The following USP12 variants were observed in gnomAD, a reference collection of about 807,000 sequenced individuals.
USP12 encodes ubiquitin carboxyl-terminal hydrolase 12.
In USP12, 19 loss-of-function variants were observed where a neutral mutation model predicts 45.5. The observed-to-expected ratio is 0.42, with a 90% CI of 0.29 to 0.61. The LOEUF is 0.61. Among genes scored for constraint, USP12 ranks in the 20% least tolerant of loss-of-function variants. The pLI, the probability that USP12 is intolerant of heterozygous loss-of-function variation, is 0.22. For synonymous variants in USP12, 149 were observed against 148.8 expected (o/e 1.00, Z -0.01); for missense variants, 242 against 447.7 (o/e 0.54, Z 4.15).
At chr13:27,162,317 A>G (rs989718541) in intron 1 of USP12, among the ~76,000 whole-genome samples, 8 of 152,242 alleles carry the variant, frequency 5.3e-5, no homozygotes, top group African/African-American at 1.9e-4. Context: ...CCGAAAAGTC[A>G]GGAATAAAAA....
chr13:27,169,778 G>A (rs186024907), intron 1 of USP12, among the ~76,000 whole-genome samples: 119 of 152,276 alleles, frequency 7.8e-4, no homozygotes, highest in African/African-American at 2.7e-3. Context: ...TTGTGTCCAT[G>A]AGCAAGAATG....
chr13:27,163,628 T>C (rs960944375), intron 1 of USP12, among the ~76,000 whole-genome samples: 5 of 150,770 alleles, frequency 3.3e-5, no homozygotes, highest in African/African-American at 4.9e-5. Context: ...ACAGAGAAAA[T>C]AGTATATGTA....
Position 27,071,027 on chromosome 13 carries a change from T to C in USP12, c.1011+44A>G, listed in dbSNP as rs575200823. 1.5e-4 allele frequency: 231 copies of C among 1,496,200 alleles called. 1 individual carries two copies. The highest frequency in any genetic ancestry group is 2.0e-4 in the Non-Finnish European group (223 of 1,094,156). 92.7% of individuals were successfully genotyped at this position (1,496,200 alleles called of 1,614,324 possible). A position where few individuals can be genotyped will look rare whatever the true frequency, so the allele number is the denominator to read the frequency against. On this transcript the variant is annotated intron_variant, in intron 8 of 8. Coordinates refer to ENST00000282344, the MANE Select transcript of USP12 (RefSeq NM_182488.4). ...TATGAGAAAAAAGTGAAAAGCAACA[T>C]ATGCATACAACTTTCAAAAATAAGA... is the stretch of plus-strand genomic sequence containing the variant.
At chr13:27,123,091 C>CAAA (rs11318459) in intron 1 of USP12, among the ~76,000 whole-genome samples, 2 of 137,278 alleles carry the variant, frequency 1.5e-5, no homozygotes. Flanking sequence ...GAGTCCATCT[C>CAAA]AAAAAAAAAA....
At chr13:27,114,687 T>C (rs577206115) in intron 2 of USP12, among the ~76,000 whole-genome samples, 3 of 151,944 alleles carry the variant, frequency 2.0e-5, no homozygotes, top group African/African-American at 7.3e-5. Context: ...AGAAAACAGG[T>C]TGTCATTAAA....
chr13:27,114,587 A>G (rs960804378), intron 2 of USP12, among the ~76,000 whole-genome samples: 1 of 152,192 alleles, frequency 6.6e-6, no homozygotes, highest in African/African-American at 2.4e-5. Context: ...TACAAATTAT[A>G]GTGACAGGTA....
At chr13:27,090,967 T>C (rs551921058) in intron 4 of USP12, among the ~76,000 whole-genome samples, 1 of 152,346 alleles carries the variant, frequency 6.6e-6, no homozygotes, top group East Asian at 1.9e-4. Context: ...GTGTATTTTA[T>C]AGACAGTTGA....
At chr13:27,076,815 TTA>T (rs1222262417) in intron 6 of USP12, among the ~76,000 whole-genome samples, 1 of 152,210 alleles carries the variant, frequency 6.6e-6, no homozygotes, top group African/African-American at 2.4e-5. Context: ...GGTGGATAGC[TTA>T]TTATTCCTAA....
At chr13:27,151,289 C>A (rs1222680766) in intron 1 of USP12, among the ~76,000 whole-genome samples, 2 of 151,418 alleles carry the variant, frequency 1.3e-5, no homozygotes, top group Non-Finnish European at 2.9e-5. Context: ...CAAGATTCAG[C>A]GACAAAGCAA....
chr13:27,109,911 C>T (rs1214928532), intron 2 of USP12, among the ~76,000 whole-genome samples: 1 of 13,342 alleles, frequency 7.5e-5, no homozygotes, highest in Non-Finnish European at 1.9e-4. Context: ...GACTCTGTCT[C>T]CAAAAAAAAA....
At chr13:27,073,299 G>A (rs997048172) in intron 7 of USP12, among the ~76,000 whole-genome samples, 2 of 152,220 alleles carry the variant, frequency 1.3e-5, no homozygotes, top group Non-Finnish European at 2.9e-5. Flanking sequence ...GGGCTGTGAG[G>A]AAAGTCAATA....
At chr13:27,171,551 G>A (rs1479050510) in intron 1 of USP12, 41 bp downstream of exon 1, 2 of 1,190,440 alleles carry the variant, frequency 1.7e-6, no homozygotes, top group Non-Finnish European at 2.2e-6. Flanking sequence ...GCCCGCCCGA[G>A]AGGTCCCGGC....
chr13:27,118,905 A>G (rs1875863476), intron 1 of USP12, among the ~76,000 whole-genome samples: 1 of 152,220 alleles, frequency 6.6e-6, no homozygotes, highest in Non-Finnish European at 1.5e-5. Flanking sequence ...TATGTACCAC[A>G]TACTTTCATG....
chr13:27,083,496 T>C (rs1873859271), intron 6 of USP12, among the ~76,000 whole-genome samples: 1 of 152,124 alleles, frequency 6.6e-6, no homozygotes, highest in Non-Finnish European at 1.5e-5. Context: ...GAAACAGCCA[T>C]CAATCCTTTC....
chr13:27,102,853 A>G (rs1348729127), intron 3 of USP12, among the ~76,000 whole-genome samples: 2 of 152,230 alleles, frequency 1.3e-5, no homozygotes, highest in Non-Finnish European at 2.9e-5. Flanking sequence ...TGTCTGGCAC[A>G]CAACAGGAAA....
At position 27,066,347 on chromosome 13, in the gene USP12, G is replaced by GT. The variant is rs1363874397; in HGVS notation, c.*2935dup. 2 of 152,292 alleles carry GT rather than the reference G, an allele frequency of 1.3e-5. No homozygotes were observed. The highest frequency in any genetic ancestry group is 4.8e-5 in the African/African-American group (2 of 41,450). 9.4% of individuals were successfully genotyped at this position (152,292 alleles called of 1,614,324 possible). ...TAAGTGACTTGCCCAAGGTCACACA[G>GT]TTAAATTCACTGAAGAGCCAGGACA... On this transcript the variant is annotated 3_prime_UTR_variant, in exon 9 of 9. Transcript: ENST00000282344.
intron 6 of USP12, among the ~76,000 whole-genome samples, chr13:27,079,860 G>A (rs1873668144): frequency 6.6e-6 from 1 of 152,168 alleles, no homozygotes; most frequent in Non-Finnish European, 1.5e-5. Flanking sequence ...CAGACATTCA[G>A]TTCCAAGGAC....
intron 1 of USP12, among the ~76,000 whole-genome samples, chr13:27,150,889 T>G (rs977324588): frequency 6.6e-6 from 1 of 152,040 alleles, no homozygotes; most frequent in South Asian, 2.1e-4. Flanking sequence ...CCTCAAACCA[T>G]GTACAAAAAA....
chr13:27,115,126 A>C lies in USP12; in HGVS notation c.129+1390T>G, dbSNP rs184528441. Among the ~76,000 whole-genome samples, 3 of 152,338 alleles carry C rather than the reference A, an allele frequency of 2.0e-5. No homozygotes were observed. The East Asian group carries it at 5.8e-4, about 29-fold the overall frequency. On this transcript the variant is annotated intron_variant, in intron 2 of 8. Coordinates refer to ENST00000282344, the MANE Select transcript of USP12 (RefSeq NM_182488.4). ...AACAAGACACAGAGACCAGAAGCTTATATTTCTACTGATCAAATGAATCTC... is the reference window on the plus strand; with the variant it reads ...AACAAGACACAGAGACCAGAAGCTTCTATTTCTACTGATCAAATGAATCTC...
Sources: gnomAD v4.1 joint callset for allele counts (sites outside exome capture counted in the v4.1 genomes callset) on GRCh38, gnomAD v4.1.1 for gene constraint, MANE v1.5 for transcripts, NCBI Gene and HGNC (gene_info 2026-07-23, HGNC 2026-07-21) for gene names.